The following ERBB4 variants were observed in gnomAD, a reference collection of about 807,000 sequenced individuals.
ERBB4 encodes erb-b2 receptor tyrosine kinase 4.
In ERBB4, 42 loss-of-function variants were observed where a neutral mutation model predicts 158.0. That is an observed-to-expected ratio of 0.27 (90% CI 0.21 to 0.34). The LOEUF (loss-of-function observed/expected upper bound fraction) is 0.34. Ranked by LOEUF, ERBB4 falls within the 10% of genes least tolerant of loss-of-function variation. ERBB4 has a pLI of 1.00. For missense variants in ERBB4, 1,333 were observed against 1,624.1 expected, an observed-to-expected ratio of 0.82 and a Z score of 3.08; for synonymous variants, 583 against 558.7, an observed-to-expected ratio of 1.04 and a Z score of -0.61.
At chr2:212,158,524 C>T (rs1475862505) in intron 1 of ERBB4, among the ~76,000 whole-genome samples, 1 of 151,992 alleles carries the variant, frequency 6.6e-6, no homozygotes, top group African/African-American at 2.4e-5. Context: ...TCTTATATCT[C>T]CTACTCTGAA....
chr2:212,399,590 C>T (rs1330171448), intron 1 of ERBB4, among the ~76,000 whole-genome samples: 8 of 114,262 alleles, frequency 7.0e-5, no homozygotes, highest in East Asian at 3.3e-4. Context: ...ATATATTGGG[C>T]GTGGTGTCTT....
intron 3 of ERBB4, among the ~76,000 whole-genome samples, chr2:211,894,562 A>T (rs76896218): frequency 5.4e-5 from 8 of 148,992 alleles, no homozygotes; most frequent in African/African-American, 9.8e-5. Flanking sequence ...AAAGTATAAT[A>T]AAAAAAAAAT....
chr2:211,562,830 G>A (rs952418163), intron 19 of ERBB4, among the ~76,000 whole-genome samples: 1 of 141,330 alleles, frequency 7.1e-6, no homozygotes, highest in Non-Finnish European at 1.5e-5. Context: ...GGAGTGCAGT[G>A]GCGGGATCTC....
chr2:211,658,038 A>C, intron 15 of ERBB4: 1 of 1,432,040 alleles, frequency 7.0e-7, no homozygotes, highest in Non-Finnish European at 9.6e-7. Flanking sequence ...GGAAAAAATT[A>C]GTCATTTAAA....
chr2:212,217,479 G>C (rs1044824410), intron 1 of ERBB4, among the ~76,000 whole-genome samples: 1 of 151,270 alleles, frequency 6.6e-6, no homozygotes, highest in Non-Finnish European at 1.5e-5. Flanking sequence ...CAAAAGGGCA[G>C]ACAATTTAAT....
intron 2 of ERBB4, among the ~76,000 whole-genome samples, chr2:211,953,091 G>A (rs549297676): frequency 1.3e-5 from 2 of 151,996 alleles, no homozygotes; most frequent in East Asian, 1.9e-4. Flanking sequence ...GAATGGAATC[G>A]AAAAGTGGAA....
chr2:211,962,884 C>T (rs1243895104), intron 2 of ERBB4, among the ~76,000 whole-genome samples: 1 of 152,074 alleles, frequency 6.6e-6, no homozygotes, highest in Non-Finnish European at 1.5e-5. Context: ...GGAATTTTCC[C>T]AAGTACTATA....
chr2:211,621,698 C>G (rs1321606622), intron 18 of ERBB4, among the ~76,000 whole-genome samples: 2 of 152,094 alleles, frequency 1.3e-5, no homozygotes, highest in Non-Finnish European at 2.9e-5. Flanking sequence ...AGTGATTATA[C>G]TCTAGGAACA....
chr2:212,042,466 C>T (rs932788589), intron 2 of ERBB4, among the ~76,000 whole-genome samples: 4 of 152,000 alleles, frequency 2.6e-5, no homozygotes, highest in Admixed American at 1.3e-4. Context: ...AAATCATGCA[C>T]GATTGTGTAG....
intron 1 of ERBB4, among the ~76,000 whole-genome samples, chr2:212,352,336 A>C (rs1368607362): frequency 6.6e-6 from 1 of 151,922 alleles, no homozygotes; most frequent in Admixed American, 6.6e-5. Flanking sequence ...AAAAAAAAAA[A>C]AACACTTTAT....
At position 211,697,191 on chromosome 2, in the gene ERBB4, G is replaced by C. The variant is rs530923984; in HGVS notation, c.1489+4776C>G. Among the ~76,000 whole-genome samples the C allele has an allele frequency of 4.1e-4, 62 of 152,282 alleles. No individual in the cohort carries two copies. The South Asian group carries it at 5.0e-3, about 12-fold the overall frequency. On this transcript the variant is annotated intron_variant, in intron 12 of 27. Coordinates refer to ENST00000342788, the MANE Select transcript of ERBB4 (RefSeq NM_005235.3). Reference sequence around the variant, plus strand: ...ATTAAACAATATAGCTAGGTTGAGAGATAGAGTCTGGCACCTTTTAGCTGA... The same window carrying C: ...ATTAAACAATATAGCTAGGTTGAGACATAGAGTCTGGCACCTTTTAGCTGA...
intron 20 of ERBB4, among the ~76,000 whole-genome samples, chr2:211,498,358 T>G (rs1293684860): frequency 6.6e-6 from 1 of 152,174 alleles, no homozygotes; most frequent in Non-Finnish European, 1.5e-5. Context: ...TTTATTTCTC[T>G]GTCATTAAAC....
At chr2:211,405,481 C>T (rs1485683459) in intron 25 of ERBB4, among the ~76,000 whole-genome samples, 2 of 152,232 alleles carry the variant, frequency 1.3e-5, no homozygotes, top group Non-Finnish European at 2.9e-5. Context: ...GAGTTTTCTC[C>T]ACCTATCCCC....
At chr2:212,085,660 T>G (rs969062185) in intron 2 of ERBB4, among the ~76,000 whole-genome samples, 5 of 151,902 alleles carry the variant, frequency 3.3e-5, no homozygotes, top group African/African-American at 1.2e-4. Context: ...CTGGAAACTT[T>G]GAGAGTTGAG....
intron 20 of ERBB4, among the ~76,000 whole-genome samples, chr2:211,558,759 C>T (rs770351607): frequency 6.6e-6 from 1 of 151,266 alleles, no homozygotes; most frequent in African/African-American, 2.4e-5. Context: ...ATTCTGCTCC[C>T]GAAGTAGAAA....
At chr2:211,817,272 T>G (rs186060157) in intron 3 of ERBB4, among the ~76,000 whole-genome samples, 1 of 152,304 alleles carries the variant, frequency 6.6e-6, no homozygotes, top group African/African-American at 2.4e-5. Context: ...CACTTATAGA[T>G]TTAGGCAAGT....
chr2:211,864,377 T>G (rs1215963216), intron 3 of ERBB4, among the ~76,000 whole-genome samples: 1 of 152,078 alleles, frequency 6.6e-6, no homozygotes, highest in Non-Finnish European at 1.5e-5. Context: ...GGGGATCTCT[T>G]TGGCACTTCC....
At chr2:212,134,832 C>T (rs894431593) in intron 1 of ERBB4, among the ~76,000 whole-genome samples, 4 of 151,756 alleles carry the variant, frequency 2.6e-5, no homozygotes, top group African/African-American at 4.8e-5. Context: ...TACAGGCGCC[C>T]GCCACCATGC....
rs567531858 is a variant in ERBB4, at chr2:211,377,692, A to G, written c.*5923T>C. 1.6e-4 allele frequency: 38 copies of G among 232,498 alleles called. No homozygotes were observed. The South Asian group carries it at 6.9e-3, about 42-fold the overall frequency. The allele number at this position is 232,498 out of a possible 1,614,324, so 14.4% of individuals were successfully genotyped here. A position where few individuals can be genotyped will look rare whatever the true frequency, so the allele number is the denominator to read the frequency against. ...TATTTACGATTAGGAACCAAATAAG[A>G]TGAATAAAGCAAATAAGTTAATTTA... On this transcript the variant is annotated 3_prime_UTR_variant, in exon 28 of 28. Transcript: ENST00000342788.
Sources: gnomAD v4.1 joint callset for allele counts (sites outside exome capture counted in the v4.1 genomes callset) on GRCh38, gnomAD v4.1.1 for gene constraint, MANE v1.5 for transcripts, NCBI Gene and HGNC (gene_info 2026-07-23, HGNC 2026-07-21) for gene names.